Variants in TAFA5 observed in about 807,000 individuals in gnomAD.
TAFA5 encodes chemokine-like protein TAFA-5.
A neutral mutation model predicts 15.3 loss-of-function variants in TAFA5; 6 were observed. That is an observed-to-expected ratio of 0.39 (90% CI 0.21 to 0.77). TAFA5 has a LOEUF of 0.77. Ranked by LOEUF, TAFA5 falls within the 30% of genes least tolerant of loss-of-function variation. The probability of loss-of-function intolerance (pLI) is 0.41; values close to 1 mark genes in which losing one functional copy is unlikely to be tolerated. For synonymous variants in TAFA5, 103 were observed against 80.7 expected, an observed-to-expected ratio of 1.28 and a Z score of -1.48; for missense variants, 161 against 193.1, an observed-to-expected ratio of 0.83 and a Z score of 0.98.
At position 48,646,608 on chromosome 22, in the gene TAFA5, G is replaced by A. The variant is rs779435720; in HGVS notation, c.124G>A (p.Ala42Thr). ...GCTCCTCTCTGCAGGTCAGCTGGCC[G>A]CCGGCACCTGTGAGATTGTGACCTT... ...LLIAYCSQLA[A>T]GTCEIVTLDR... Residue 42 changes from alanine to threonine, a missense_variant, in exon 2 of 4, where the codon GCC becomes ACC. By Grantham distance (58) the Ala-to-Thr change is moderately conservative (BLOSUM62 0). Transcript: ENST00000402357. The A allele has an allele frequency of 2.3e-5, 37 of 1,612,420 alleles. No homozygotes were observed. Among genetic ancestry groups the A allele is most frequent in the South Asian group, 4.4e-5 (4 of 91,052 alleles).
chr22:48,707,824 G>A lies in TAFA5; in HGVS notation c.370G>A (p.Gly124Arg), dbSNP rs764459434. The change falls in exon 3 of 4, where the codon GGG (glycine) becomes AGG (arginine). Residue 124 changes from glycine to arginine, a missense_variant. Transcript: ENST00000402357. ...RSGWTCTQPG[G>R]RIKTTTVS ...AGGCTGGACGTGCACGCAGCCCGGC[G>A]GGAGGATAAAGACCACCACGGTATG... 7 of 1,613,450 alleles carry A rather than the reference G, an allele frequency of 4.3e-6. No homozygotes were observed. The highest frequency in any genetic ancestry group is 1.3e-5 in the African/African-American group (1 of 74,928).
At chr22:48,600,304 G>C (rs185803775) in intron 1 of TAFA5, among the ~76,000 whole-genome samples, 43 of 152,322 alleles carry the variant, frequency 2.8e-4, no homozygotes, top group African/African-American at 1.0e-3. Context: ...GCAGTAAGGA[G>C]GTCTGCGTGA....
At chr22:48,626,058 T>C (rs180680400) in intron 1 of TAFA5, among the ~76,000 whole-genome samples, 4 of 152,350 alleles carry the variant, frequency 2.6e-5, no homozygotes, top group African/African-American at 4.8e-5. Flanking sequence ...ATTCCACTTA[T>C]ATGAACGTGA....
intron 2 of TAFA5, among the ~76,000 whole-genome samples, chr22:48,684,820 G>A (rs959697364): frequency 4.6e-5 from 7 of 152,184 alleles, no homozygotes; most frequent in Non-Finnish European, 8.8e-5. Context: ...CTGCTCACAC[G>A]CTGTGCCCGG....
Position 48,594,217 on chromosome 22 carries a change from C to T in TAFA5, c.113-52380C>T, listed in dbSNP as rs112821192. On this transcript the variant is annotated intron_variant, in intron 1 of 3. Coordinates refer to ENST00000402357, the MANE Select transcript of TAFA5 (RefSeq NM_001082967.3). ...AGTGGAACTGCCCGGCGTTGGGGTG[C>T]AGGCGAGACCCAGCGAGGCTCGAGG... is the stretch of plus-strand genomic sequence containing the variant. Among the ~76,000 whole-genome samples, 503 of 152,308 alleles carry T rather than the reference C, an allele frequency of 3.3e-3. 6 individuals carry two copies. The highest frequency in any genetic ancestry group is 0.012 in the African/African-American group (480 of 41,574).
intron 3 of TAFA5, among the ~76,000 whole-genome samples, chr22:48,730,656 C>A (rs990178669): frequency 6.6e-6 from 1 of 152,118 alleles, no homozygotes; most frequent in African/African-American, 2.4e-5. Context: ...ATTACTATAT[C>A]TGTTACGGTG....
At chr22:48,505,021 A>G (rs1291566377) in intron 1 of TAFA5, among the ~76,000 whole-genome samples, 1 of 152,160 alleles carries the variant, frequency 6.6e-6, no homozygotes, top group Non-Finnish European at 1.5e-5. Context: ...AGCCCGGGAC[A>G]CTGTCTAGGT....
At chr22:48,576,151 G>A (rs2147141650) in intron 1 of TAFA5, among the ~76,000 whole-genome samples, 1 of 143,922 alleles carries the variant, frequency 6.9e-6, no homozygotes. Flanking sequence ...TGGGGCCGCG[G>A]CGGCCGCCCC....
chr22:48,564,117 G>A (rs1569027273), intron 1 of TAFA5, among the ~76,000 whole-genome samples: 2 of 152,242 alleles, frequency 1.3e-5, no homozygotes, highest in African/African-American at 4.8e-5. Context: ...CCACAAAGGC[G>A]GCTCATCCCC....
chr22:48,584,314 CACA>C (rs1252732179), intron 1 of TAFA5, among the ~76,000 whole-genome samples: 1 of 148,306 alleles, frequency 6.7e-6, no homozygotes, highest in Non-Finnish European at 1.5e-5. Context: ...ACCACACACA[CACA>C]AAATACACCA....
At chr22:48,690,044 T>TTGGCTTGGGGGC (rs1555899575) in intron 2 of TAFA5, among the ~76,000 whole-genome samples, 3 of 151,726 alleles carry the variant, frequency 2.0e-5, no homozygotes, top group Non-Finnish European at 4.4e-5. Flanking sequence ...GGAGGTGGGC[T>TTGGCTTGGGGGC]TGGCTGGGGT....
intron 2 of TAFA5, among the ~76,000 whole-genome samples, chr22:48,701,467 C>T (rs570273934): frequency 2.0e-4 from 30 of 152,274 alleles, no homozygotes; most frequent in African/African-American, 6.0e-4. Flanking sequence ...CGCTGGGAGT[C>T]GGCGCAACCC....
chr22:48,573,944 C>T (rs1923672172), intron 1 of TAFA5, among the ~76,000 whole-genome samples: 1 of 152,096 alleles, frequency 6.6e-6, no homozygotes, highest in Non-Finnish European at 1.5e-5. Context: ...GTGATAAGCA[C>T]CCAGAAGACC....
At chr22:48,627,425 G>A (rs1175834233) in intron 1 of TAFA5, among the ~76,000 whole-genome samples, 3 of 152,374 alleles carry the variant, frequency 2.0e-5, no homozygotes, top group East Asian at 1.9e-4. Context: ...AGAGGGCGCC[G>A]CGTGCAGGCT....
intron 1 of TAFA5, among the ~76,000 whole-genome samples, chr22:48,642,453 G>A (rs34710250): frequency 0.035 from 5,308 of 152,232 alleles, 147 homozygotes; most frequent in East Asian, 0.1. Flanking sequence ...CCCCCTTTCT[G>A]AGAATGAGGC....
chr22:48,528,333 G>A (rs182611162), intron 1 of TAFA5, among the ~76,000 whole-genome samples: 62 of 152,284 alleles, frequency 4.1e-4, no homozygotes, highest in Admixed American at 1.6e-3. Context: ...TGGGTGCATC[G>A]TGTCTCCAGG....
At chr22:48,501,423 G>A (rs933612248) in intron 1 of TAFA5, among the ~76,000 whole-genome samples, 6 of 152,346 alleles carry the variant, frequency 3.9e-5, no homozygotes, top group African/African-American at 1.4e-4. Context: ...GCACCCGGGC[G>A]GTGTGCTGCA....
At chr22:48,665,476 A>T (rs1927578967) in intron 2 of TAFA5, among the ~76,000 whole-genome samples, 1 of 152,130 alleles carries the variant, frequency 6.6e-6, no homozygotes, top group Non-Finnish European at 1.5e-5. Context: ...AAGCCGTGAG[A>T]CGTTCTCTCG....
At chr22:48,494,860 C>A (rs569436939) in intron 1 of TAFA5, among the ~76,000 whole-genome samples, 6 of 152,330 alleles carry the variant, frequency 3.9e-5, no homozygotes, top group African/African-American at 1.4e-4. Context: ...TTCACCCCGG[C>A]GAATGTGGTA....
Sources: gnomAD v4.1 joint callset for allele counts (sites outside exome capture counted in the v4.1 genomes callset) on GRCh38, gnomAD v4.1.1 for gene constraint, MANE v1.5 for transcripts, NCBI Gene and HGNC (gene_info 2026-07-23, HGNC 2026-07-21) for gene names.